The following GALR1 variants were observed in gnomAD, a reference collection of about 807,000 sequenced individuals.
GALR1 encodes galanin receptor 1.
A neutral mutation model predicts 17.9 loss-of-function variants in GALR1; 11 were observed. The observed-to-expected ratio is 0.62, with a 90% confidence interval of 0.39 to 1.02. The LOEUF is 1.02. Ranked by LOEUF, GALR1 falls within the 50% of genes least tolerant of loss-of-function variation. GALR1 has a pLI of 0.01. For missense variants in GALR1, 441 were observed against 456.9 expected (o/e 0.97, Z 0.32); for synonymous variants, 206 against 205.7 (o/e 1.00, Z -0.01).
intron 2 of GALR1, among the ~76,000 whole-genome samples, chr18:77,261,000 GTT>G (rs35156015): frequency 0.18 from 26,541 of 145,552 alleles, 2,976 homozygotes; most frequent in Non-Finnish European, 0.26. Flanking sequence ...AATTTGTGAG[GTT>G]TTTTTTTTTT....
rs1913162331 is a variant in GALR1, at chr18:77,276,597, T to A, written c.*7695T>A. 6.6e-6 allele frequency: 1 copy of A among 152,062 alleles called. No individual in the cohort carries two copies. The highest frequency in any genetic ancestry group is 1.5e-5 in the Non-Finnish European group (1 of 68,022). 9.4% of individuals were successfully genotyped at this position (152,062 alleles called of 1,614,324 possible). On this transcript the variant is annotated 3_prime_UTR_variant, in exon 3 of 3. Coordinates refer to ENST00000299727, the MANE Select transcript of GALR1 (RefSeq NM_001480.4). Reference sequence around the variant, plus strand: ...ATTTGCAGCTGGTCCAGAGACCACCTTGTGAGATCTACTACCTGATTTAAT... The same window carrying A: ...ATTTGCAGCTGGTCCAGAGACCACCATGTGAGATCTACTACCTGATTTAAT...
In GALR1 at chr18:77,251,130, T is replaced by A; in HGVS notation, c.582T>A (p.Pro194=). 6.2e-7 allele frequency: 1 copy of A among 1,613,086 alleles called. No homozygotes were observed. Residue 194 remains proline, a synonymous_variant, in exon 1 of 3, where the codon CCT becomes CCA. Coordinates refer to ENST00000299727, the MANE Select transcript of GALR1 (RefSeq NM_001480.4). ...TCTGCTGGGAGCAGTGGCCCGACCCTCGCCACAAGAAGGCCTACGTGGTGT... is the reference window on the plus strand; with the variant it reads ...TCTGCTGGGAGCAGTGGCCCGACCCACGCCACAAGAAGGCCTACGTGGTGT... ...QTFCWEQWPD[P]RHKKAYVVCT...
chr18:77,275,924 A>C lies in GALR1; in HGVS notation c.*7022A>C, dbSNP rs191955572. On this transcript the variant is annotated 3_prime_UTR_variant, in exon 3 of 3. Coordinates refer to ENST00000299727, the MANE Select transcript of GALR1 (RefSeq NM_001480.4). ...TGTTCTTAACAGCCTCATGGGGCCT[A>C]GAGGAACTTTTACATGGTAGACACT... 6.4e-4 allele frequency: 98 copies of C among 152,306 alleles called. No individual in the cohort carries two copies. The highest frequency in any genetic ancestry group is 2.3e-3 in the African/African-American group (97 of 41,590). The allele number at this position is 152,306 out of a possible 1,614,324, so 9.4% of individuals were successfully genotyped here.
chr18:77,264,923 A>G (rs1912914494), intron 2 of GALR1, among the ~76,000 whole-genome samples: 1 of 152,186 alleles, frequency 6.6e-6, no homozygotes, highest in Admixed American at 6.5e-5. Flanking sequence ...TATAGGAACT[A>G]CAATTCAAGA....
At chr18:77,261,529 G>T (rs964037686) in intron 2 of GALR1, among the ~76,000 whole-genome samples, 8 of 152,194 alleles carry the variant, frequency 5.3e-5, no homozygotes, top group African/African-American at 1.9e-4. Flanking sequence ...AGCCTGGATG[G>T]CCCATAAACA....
At chr18:77,259,561 G>C (rs1364806958) in intron 2 of GALR1, among the ~76,000 whole-genome samples, 2 of 151,478 alleles carry the variant, frequency 1.3e-5, no homozygotes, top group South Asian at 4.2e-4. Context: ...TGGTGGTGAT[G>C]ATGGTGGTCA....
chr18:77,264,049 G>A (rs572057441), intron 2 of GALR1, among the ~76,000 whole-genome samples: 21 of 141,106 alleles, frequency 1.5e-4, no homozygotes, highest in African/African-American at 4.8e-4. Context: ...CAGAAGAATC[G>A]CTTGAACGTG....
rs1367812749 is a variant in GALR1 at position 77,269,343 on chromosome 18, G to A, written c.*441G>A. The A allele has an allele frequency of 6.5e-6, 1 of 154,466 alleles. No individual in the cohort carries two copies. The highest frequency in any genetic ancestry group is 2.4e-5 in the African/African-American group (1 of 41,482). 9.6% of individuals were successfully genotyped at this position (154,466 alleles called of 1,614,324 possible). ...TAAGAGAAGTAATATTGTGAACTAT[G>A]TATTTTAAAATATGATCATGGACAC... On this transcript the variant is annotated 3_prime_UTR_variant, in exon 3 of 3. Transcript: ENST00000299727.
chr18:77,260,618 G>T (rs1013988204), intron 2 of GALR1, among the ~76,000 whole-genome samples: 1 of 152,200 alleles, frequency 6.6e-6, no homozygotes, highest in Admixed American at 6.5e-5. Context: ...CCTGTTGAGA[G>T]TTATAATTAT....
Position 77,269,553 on chromosome 18 carries a change from C to A in GALR1, c.*651C>A, listed in dbSNP as rs150956443. On this transcript the variant is annotated 3_prime_UTR_variant, in exon 3 of 3. Coordinates refer to ENST00000299727, the MANE Select transcript of GALR1 (RefSeq NM_001480.4). The stretch of plus-strand genomic sequence containing the variant: ...AGTCAATTCAGTGTTGTACTGGTGA[C>A]CTGGGATGCAGTAGTAGGCACTGTT... The A allele has an allele frequency of 4.1e-4, 62 of 152,330 alleles. No homozygotes were observed. Among genetic ancestry groups the A allele is most frequent in the African/African-American group, 1.5e-3 (61 of 41,546 alleles). The allele number at this position is 152,330 out of a possible 1,614,324, so 9.4% of individuals were successfully genotyped here.
intron 2 of GALR1, among the ~76,000 whole-genome samples, chr18:77,267,070 G>T (rs773825057): frequency 4.6e-5 from 7 of 152,242 alleles, no homozygotes; most frequent in Non-Finnish European, 8.8e-5. Context: ...TGCGCTTAAT[G>T]TTCCTTTTTT....
rs190637370 is a variant in GALR1 at position 77,264,225 on chromosome 18, C to T, written c.733-4360C>T. 3.5e-4 allele frequency among the ~76,000 whole-genome samples: 52 copies of T among 150,382 alleles called. No homozygotes were observed. The East Asian group carries it at 9.8e-3, about 28-fold the overall frequency. On this transcript the variant is annotated intron_variant, in intron 2 of 2. Transcript: ENST00000299727. ...AGTGTGGAGCTGTGGTTCCCACTGC[C>T]CTGTGATAGTCCTGCAGGGTGTGAG... is the stretch of plus-strand genomic sequence containing the variant.
intron 2 of GALR1, among the ~76,000 whole-genome samples, chr18:77,259,730 T>G (rs1186148181): frequency 6.6e-6 from 1 of 151,330 alleles, no homozygotes; most frequent in Non-Finnish European, 1.5e-5. Context: ...GGTGGTGGTA[T>G]GTGTGTGTCT....
intron 1 of GALR1, among the ~76,000 whole-genome samples, chr18:77,252,352 G>T (rs1912437902): frequency 6.6e-6 from 1 of 152,176 alleles, no homozygotes; most frequent in African/African-American, 2.4e-5. Flanking sequence ...CGACTTCACC[G>T]CTGTCTCTCA....
rs1599352582 is a variant in GALR1 at position 77,250,972 on chromosome 18, C to T, written c.424C>T (p.Arg142Cys). Residue 142 changes from arginine (R) to cysteine (C), a missense_variant, in exon 1 of 3, where the codon CGC becomes TGC. By Grantham distance (180) the Arg-to-Cys change is radical. Coordinates refer to ENST00000299727, the MANE Select transcript of GALR1 (RefSeq NM_001480.4). ...DRYVAIVHSRRSSSLRVSRNA... is the reference protein window; with the variant it reads ...DRYVAIVHSRCSSSLRVSRNA... ...CTACGTGGCCATCGTGCACTCGCGGCGCTCCTCCTCCCTCAGGGTGTCCCG... is the reference window on the plus strand; with the variant it reads ...CTACGTGGCCATCGTGCACTCGCGGTGCTCCTCCTCCCTCAGGGTGTCCCG... 3 of 1,604,068 alleles carry T rather than the reference C, an allele frequency of 1.9e-6. No individual in the cohort carries two copies. Among genetic ancestry groups the T allele is most frequent in the Non-Finnish European group, 2.5e-6 (3 of 1,179,932 alleles).
At chr18:77,260,352 C>G (rs77883722) in intron 2 of GALR1, among the ~76,000 whole-genome samples, 8,328 of 152,124 alleles carry the variant, frequency 0.055, 297 homozygotes, top group Admixed American at 0.096. Flanking sequence ...TGTAAGGCAG[C>G]TCTCTGGGCC....
chr18:77,250,433 C>A lies in GALR1; in HGVS notation c.-116C>A. 1 of 1,130,308 alleles carries A rather than the reference C, an allele frequency of 8.8e-7. No homozygotes were observed. Among genetic ancestry groups the A allele is most frequent in the Non-Finnish European group, 1.2e-6 (1 of 847,414 alleles). 70.0% of individuals were successfully genotyped at this position (1,130,308 alleles called of 1,614,324 possible). A position where few individuals can be genotyped will look rare whatever the true frequency, so the allele number is the denominator to read the frequency against. The stretch of plus-strand genomic sequence containing the variant: ...GCTCGCGCCTCGGGGGAAGCTCAGA[C>A]TCCTAAACTCGCACTCTCCGTGCTT... On this transcript the variant is annotated 5_prime_UTR_variant, in exon 1 of 3. Transcript: ENST00000299727.
chr18:77,252,387 A>G (rs12953828), intron 1 of GALR1, among the ~76,000 whole-genome samples: 10,058 of 152,318 alleles, frequency 0.066, 379 homozygotes, highest in Middle Eastern at 0.13. Context: ...GGCTGTGACT[A>G]TACGACCACA....
chr18:77,254,703 C>G (rs914913459), intron 1 of GALR1, among the ~76,000 whole-genome samples: 5 of 152,210 alleles, frequency 3.3e-5, no homozygotes, highest in African/African-American at 1.2e-4. Flanking sequence ...TCATTTGCTC[C>G]TGCAGGAAAT....
Sources: gnomAD v4.1 joint callset for allele counts (sites outside exome capture counted in the v4.1 genomes callset) on GRCh38, gnomAD v4.1.1 for gene constraint, MANE v1.5 for transcripts, NCBI Gene and HGNC (gene_info 2026-07-23, HGNC 2026-07-21) for gene names.